LAMTOR1: variants seen among roughly 807,000 people sequenced by gnomAD.
LAMTOR1 encodes the protein late endosomal/lysosomal adaptor, MAPK and MTOR activator 1.
Under a neutral mutation model 20.5 loss-of-function variants are expected in LAMTOR1, and 8 were observed. That is an observed-to-expected ratio of 0.39 (90% confidence interval 0.23 to 0.70). The LOEUF is 0.70. Ranked by LOEUF, LAMTOR1 falls within the 30% of genes least tolerant of loss-of-function variation. The probability of loss-of-function intolerance (pLI) is 0.43; values close to 1 mark genes in which losing one functional copy is unlikely to be tolerated. For missense variants in LAMTOR1, 135 were observed against 206.2 expected (o/e 0.65, Z 2.11); for synonymous variants, 77 against 80.9 (o/e 0.95, Z 0.26).
intron 3 of LAMTOR1, 166 bp from the exon 4 acceptor site, chr11:72,098,581 G>T: frequency 1.1e-6 from 1 of 928,326 alleles, no homozygotes; most frequent in Non-Finnish European, 1.6e-6. Flanking sequence ...CATCTCCCTT[G>T]GCCTCAGCGC....
In LAMTOR1 at chr11:72,097,784, A is replaced by G. The variant is rs370460688; in HGVS notation, c.*38T>C. The G allele has an allele frequency of 5.0e-6, 8 of 1,613,754 alleles. No homozygotes were observed. The highest frequency in any genetic ancestry group is 6.8e-6 in the Non-Finnish European group (8 of 1,179,924). On this transcript the variant is annotated 3_prime_UTR_variant, in exon 5 of 5. Transcript: ENST00000278671. Reference sequence around the variant, plus strand: ...GCCAAGGGGGTGGGGTAGAGATGGGATGAAGAGAGGAGAAGAGCTGTCCAA... The same window carrying G: ...GCCAAGGGGGTGGGGTAGAGATGGGGTGAAGAGAGGAGAAGAGCTGTCCAA...
At chr11:72,099,949 A>C (rs906469601) in intron 1 of LAMTOR1, among the ~76,000 whole-genome samples, 3 of 152,138 alleles carry the variant, frequency 2.0e-5, no homozygotes, top group Admixed American at 2.0e-4. Context: ...CTGAGTGTAC[A>C]TGGTGTATCC....
rs138899729 is a variant in LAMTOR1 at position 72,099,342 on chromosome 11, T to C, written c.43-86A>G. The C allele has an allele frequency of 5.0e-5, 71 of 1,408,832 alleles. No individual in the cohort carries two copies. The African/African-American group carries it at 8.4e-4, about 17-fold the overall frequency. The allele number at this position is 1,408,832 out of a possible 1,614,324, so 87.3% of individuals were successfully genotyped here. A position where few individuals can be genotyped will look rare whatever the true frequency, so the allele number is the denominator to read the frequency against. ...TGCTACCCTTAGCCCAGCTCTGACC[T>C]TAAACACCAAAAATGTTTCTATAAG... is the stretch of plus-strand genomic sequence containing the variant. On this transcript the variant is annotated intron_variant, in intron 1 of 4. Coordinates refer to ENST00000278671, the MANE Select transcript of LAMTOR1 (RefSeq NM_017907.3).
intron 4 of LAMTOR1, 149 bp from the exon 5 acceptor site, chr11:72,098,063 C>G (rs1037932119): frequency 2.7e-6 from 3 of 1,101,122 alleles, no homozygotes; most frequent in Non-Finnish European, 2.6e-6. Flanking sequence ...ATGGGAGAGA[C>G]AGAAGGAAAA....
chr11:72,099,385 A>G (rs570470421), intron 1 of LAMTOR1, 129 bp from the exon 2 acceptor site: 2 of 997,300 alleles, frequency 2.0e-6, no homozygotes, highest in Non-Finnish European at 2.8e-6. Flanking sequence ...TAAAGTGCCC[A>G]GCTTTATGGA....
At chr11:72,103,144 T>C (rs1409522276) in intron 1 of LAMTOR1, 39 bp downstream of exon 1, 3 of 1,571,406 alleles carry the variant, frequency 1.9e-6, no homozygotes, top group Non-Finnish European at 2.6e-6. Context: ...CCCCAGTGTC[T>C]TAGCCCTCAT....
intron 1 of LAMTOR1, among the ~76,000 whole-genome samples, chr11:72,101,975 G>A (rs1945458998): frequency 6.6e-6 from 1 of 152,150 alleles, no homozygotes; most frequent in Middle Eastern, 3.2e-3. Context: ...TCTCAAAAAG[G>A]TGGAAGTGAA....
At position 72,097,439 on chromosome 11, in the gene LAMTOR1, T is replaced by C. The variant is rs1351780266; in HGVS notation, c.*383A>G. The stretch of plus-strand genomic sequence containing the variant: ...TGGTCACAAACCCTAGTGAGGTGCA[T>C]GTGAGCACCAAGTCAGGGAGAGGGG... On this transcript the variant is annotated 3_prime_UTR_variant, in exon 5 of 5. Transcript: ENST00000278671. The C allele has an allele frequency of 3.1e-5, 32 of 1,031,810 alleles. No homozygotes were observed. The highest frequency in any genetic ancestry group is 3.5e-5 in the Non-Finnish European group (30 of 857,130). 63.9% of individuals were successfully genotyped at this position (1,031,810 alleles called of 1,614,324 possible).
At chr11:72,099,512 AC>A (rs947991425) in intron 1 of LAMTOR1, among the ~76,000 whole-genome samples, 2 of 152,208 alleles carry the variant, frequency 1.3e-5, no homozygotes, top group Non-Finnish European at 2.9e-5. Context: ...GGACAGAGGC[AC>A]AAAGCAGGTA....
At position 72,099,193 on chromosome 11, in the gene LAMTOR1, C is replaced by A. The variant is rs1431265156; in HGVS notation, c.106G>T (p.Ala36Ser). ...SSPPTKALNG[A>S]EPNYHSLPSA... ...GGCAGGCTGTGGTAGTTGGGCTCGG[C>A]TCCATTGAGAGCTTTGGTAGGGGGG... Residue 36 changes from alanine to serine, a missense_variant, in exon 2 of 5, where the codon GCC (alanine) becomes TCC (serine). Transcript: ENST00000278671. 6.2e-7 allele frequency: 1 copy of A among 1,612,170 alleles called. No individual in the cohort carries two copies. The highest frequency in any genetic ancestry group is 1.7e-5 in the Admixed American group (1 of 59,788).
Position 72,103,134 on chromosome 11 carries a change from C to T in LAMTOR1, c.42+49G>A, listed in dbSNP as rs1021974492. The T allele has an allele frequency of 4.5e-6, 7 of 1,563,366 alleles. No homozygotes were observed. The African/African-American group carries it at 8.1e-5, about 18-fold the overall frequency. The stretch of plus-strand genomic sequence containing the variant: ...CGCAGGTTTCTTTCTGGGCCCCATG[C>T]CCCAGTGTCTTAGCCCTCATTCCCG... On this transcript the variant is annotated intron_variant, in intron 1 of 4. Transcript: ENST00000278671.
In LAMTOR1 at chr11:72,098,344, C is replaced by G. The variant is rs1475524239; in HGVS notation, c.338G>C (p.Ser113Thr). 1.2e-6 allele frequency: 2 copies of G among 1,613,358 alleles called. No homozygotes were observed. The highest frequency in any genetic ancestry group is 1.7e-6 in the Non-Finnish European group (2 of 1,179,840). Reference protein sequence around the residue: ...KKLPPLPSLTSQPHQVLASEP... With the variant: ...KKLPPLPSLTTQPHQVLASEP... Reference sequence around the variant, plus strand: ...ACTGGCCAGCACTTGGTGGGGCTGGCTGGTAAGAGACGGCAGCGGTGGCAG... The same window carrying G: ...ACTGGCCAGCACTTGGTGGGGCTGGGTGGTAAGAGACGGCAGCGGTGGCAG... The change falls in exon 4 of 5, where the codon AGC (serine) becomes ACC (threonine). Residue 113 changes from serine (S) to threonine (T), a missense_variant. Ser to Thr is a moderately conservative substitution (Grantham distance 58). Transcript: ENST00000278671.
intron 4 of LAMTOR1, 121 bp from the exon 5 acceptor site, chr11:72,098,035 G>A: frequency 7.8e-7 from 1 of 1,281,156 alleles, no homozygotes; most frequent in Non-Finnish European, 1.1e-6. Context: ...GAACAGGAAG[G>A]CAAAGAGAAA....
In LAMTOR1 at chr11:72,099,159, C is replaced by T. The variant is rs768750455; in HGVS notation, c.140G>A (p.Arg47His). 2 of 1,613,774 alleles carry T rather than the reference C, an allele frequency of 1.2e-6. No individual in the cohort carries two copies. Among genetic ancestry groups the T allele is most frequent in the South Asian group, 1.1e-5 (1 of 91,060 alleles). ...EPNYHSLPSA[R>H]TDEQALLSSI... Reference sequence around the variant, plus strand: ...AGAGAGCAGGGCCTGCTCATCAGTGCGAGCGGAAGGCAGGCTGTGGTAGTT... The same window carrying T: ...AGAGAGCAGGGCCTGCTCATCAGTGTGAGCGGAAGGCAGGCTGTGGTAGTT... The change falls in exon 2 of 5, where the codon CGC becomes CAC. Residue 47 changes from arginine (R) to histidine (H), a missense_variant. Arg to His is a conservative substitution (Grantham distance 29, BLOSUM62 0). Transcript: ENST00000278671.
intron 1 of LAMTOR1, among the ~76,000 whole-genome samples, chr11:72,102,708 C>G (rs1341958194): frequency 6.6e-6 from 1 of 152,208 alleles, no homozygotes; most frequent in Non-Finnish European, 1.5e-5. Flanking sequence ...TCCCCTGGCC[C>G]TAGACTAGCA....
intron 4 of LAMTOR1, 146 bp from the exon 5 acceptor site, chr11:72,098,060 A>C: frequency 2.7e-6 from 3 of 1,099,498 alleles, no homozygotes; most frequent in Non-Finnish European, 3.9e-6. Flanking sequence ...GGGATGGGAG[A>C]GACAGAAGGA....
chr11:72,098,680 A>G, intron 3 of LAMTOR1, 101 bp downstream of exon 3: 1 of 930,992 alleles, frequency 1.1e-6, no homozygotes, highest in Non-Finnish European at 1.6e-6. Flanking sequence ...GGGCTGCACC[A>G]AATGAGAAGC....
At chr11:72,098,562 A>G in intron 3 of LAMTOR1, 147 bp from the exon 4 acceptor site, 5 of 1,017,726 alleles carry the variant, frequency 4.9e-6, no homozygotes, top group Non-Finnish European at 7.1e-6. Context: ...CACAGACTCA[A>G]TCTAGGCCCA....
rs1591182355 is a variant in LAMTOR1, at chr11:72,103,165, C to T, written c.42+18G>A. 1.3e-6 allele frequency: 2 copies of T among 1,585,506 alleles called. No individual in the cohort carries two copies. The highest frequency in any genetic ancestry group is 2.3e-5 in the East Asian group (1 of 43,286). The stretch of plus-strand genomic sequence containing the variant: ...TGTCTTAGCCCTCATTCCCGAGCCC[C>T]GCCTGCCGCGGCCGCACCTGGTCCG... On this transcript the variant is annotated intron_variant, in intron 1 of 4. Transcript: ENST00000278671.
Sources: gnomAD v4.1 joint callset for allele counts (sites outside exome capture counted in the v4.1 genomes callset) on GRCh38, gnomAD v4.1.1 for gene constraint, MANE v1.5 for transcripts, NCBI Gene and HGNC (gene_info 2026-07-23, HGNC 2026-07-21) for gene names.